Variants in CDYL2 observed in about 807,000 individuals in gnomAD.
CDYL2 encodes chromodomain Y-like protein 2.
Under a neutral mutation model 49.4 loss-of-function variants are expected in CDYL2, and 23 were observed. The observed-to-expected ratio is 0.47, with a 90% CI of 0.34 to 0.66. The LOEUF (loss-of-function observed/expected upper bound fraction) is 0.66. CDYL2 is among the 30% of genes least tolerant of loss of function. The pLI is 0.01. For missense variants in CDYL2, 678 were observed against 656.4 expected, an observed-to-expected ratio of 1.03 and a Z score of -0.36; for synonymous variants, 360 against 268.8, an observed-to-expected ratio of 1.34 and a Z score of -3.32.
intron 2 of CDYL2, 150 bp downstream of exon 2, chr16:80,684,388 A>G: frequency 1.4e-6 from 1 of 734,372 alleles, no homozygotes; most frequent in Admixed American, 2.9e-5. Flanking sequence ...GAGTCCACAA[A>G]GCTCTAGGTG....
At chr16:80,749,348 A>T (rs530545069) in intron 1 of CDYL2, among the ~76,000 whole-genome samples, 1 of 152,210 alleles carries the variant, frequency 6.6e-6, no homozygotes, top group Non-Finnish European at 1.5e-5. Flanking sequence ...GGTAGTCACA[A>T]CTTTTCACAA....
rs146604014 is a variant in CDYL2, at chr16:80,791,996, G to C, written c.24+12154C>G. On this transcript the variant is annotated intron_variant, in intron 1 of 6. Coordinates refer to ENST00000570137, the MANE Select transcript of CDYL2 (RefSeq NM_152342.4). ...GAGAGTATTAAGGAAAAAGGATGGA[G>C]TCAAGAAATATGCAGGATGCTGATT... is the stretch of plus-strand genomic sequence containing the variant. Among the ~76,000 whole-genome samples, 971 of 152,276 alleles carry C rather than the reference G, an allele frequency of 6.4e-3. 12 individuals are homozygous for C. The highest frequency in any genetic ancestry group is 0.022 in the African/African-American group (928 of 41,560).
intron 2 of CDYL2, among the ~76,000 whole-genome samples, chr16:80,679,507 C>A (rs1909890050): frequency 6.6e-6 from 1 of 152,198 alleles, no homozygotes; most frequent in Non-Finnish European, 1.5e-5. Flanking sequence ...ACACTTGTAA[C>A]CTCGGTCTCC....
chr16:80,666,612 G>T (rs1909275558), intron 2 of CDYL2, among the ~76,000 whole-genome samples: 1 of 152,180 alleles, frequency 6.6e-6, no homozygotes, highest in Admixed American at 6.5e-5. Context: ...AATGGGAAGG[G>T]AATCCTGTCG....
rs1473090465 is a variant in CDYL2, at chr16:80,601,092, T to G, written c.*3296A>C. On this transcript the variant is annotated 3_prime_UTR_variant, in exon 7 of 7. Coordinates refer to ENST00000570137, the MANE Select transcript of CDYL2 (RefSeq NM_152342.4). ...ATTTTGATGGCTGTTACCCAGACAT[T>G]ATTTCTATGCCGGAAGGGGCACATT... 1 of 152,226 alleles carries G rather than the reference T, an allele frequency of 6.6e-6. No individual in the cohort carries two copies. Among genetic ancestry groups the G allele is most frequent in the Non-Finnish European group, 1.5e-5 (1 of 68,028 alleles). 9.4% of individuals were successfully genotyped at this position (152,226 alleles called of 1,614,324 possible).
chr16:80,619,495 C>T (rs1030328744), intron 4 of CDYL2, among the ~76,000 whole-genome samples: 6 of 152,198 alleles, frequency 3.9e-5, no homozygotes, highest in African/African-American at 1.2e-4. Context: ...TGACGCTCCA[C>T]GGGTCACAAA....
chr16:80,615,439 G>A (rs577305690), intron 4 of CDYL2, among the ~76,000 whole-genome samples: 19 of 152,174 alleles, frequency 1.2e-4, no homozygotes, highest in East Asian at 3.9e-4. Context: ...TCATGGGACC[G>A]TATCTTCCAC....
chr16:80,729,059 C>G (rs544726532), intron 1 of CDYL2, among the ~76,000 whole-genome samples: 1 of 151,690 alleles, frequency 6.6e-6, no homozygotes, highest in Admixed American at 6.6e-5. Flanking sequence ...AGAAAATAAC[C>G]AGCTAACATC....
chr16:80,630,035 G>C (rs1288303408), intron 3 of CDYL2, among the ~76,000 whole-genome samples: 2 of 152,202 alleles, frequency 1.3e-5, no homozygotes, highest in African/African-American at 2.4e-5. Flanking sequence ...AAGTTGAAGG[G>C]AGGATTGGAA....
intron 2 of CDYL2, among the ~76,000 whole-genome samples, chr16:80,641,807 T>G (rs1908103168): frequency 6.8e-6 from 1 of 148,010 alleles, no homozygotes. Flanking sequence ...AAATGACGAG[T>G]TAACGGGTGC....
Position 80,633,111 on chromosome 16 carries a change from G to A in CDYL2, c.742C>T (p.Arg248Trp), listed in dbSNP as rs754339035. 3 of 1,614,036 alleles carry A rather than the reference G, an allele frequency of 1.9e-6. No homozygotes were observed. The highest frequency in any genetic ancestry group is 1.3e-5 in the African/African-American group (1 of 74,906). The part of the protein sequence containing the change: ...YSVRQNESNC[R>W]FRDIVVRKEE... ...TTCCGCACAACGATGTCTCGAAACC[G>A]ACAGTTGCTTTCATTCTGGCGGACA... The change falls in exon 3 of 7, where the codon CGG (arginine) becomes TGG (tryptophan). Residue 248 changes from arginine to tryptophan, a missense_variant. By Grantham distance (101) the Arg-to-Trp change is moderately radical. Around this residue, in one of 3 missense-constraint regions of CDYL2, gnomAD observed 478 missense variants for 427.0 expected, o/e 1.12. Coordinates refer to ENST00000570137, the MANE Select transcript of CDYL2 (RefSeq NM_152342.4).
intron 1 of CDYL2, among the ~76,000 whole-genome samples, chr16:80,802,986 C>G (rs1907972190): frequency 6.6e-6 from 1 of 152,200 alleles, no homozygotes; most frequent in African/African-American, 2.4e-5. Context: ...CCGGGAAGTG[C>G]AGGTCCAGGC....
chr16:80,687,027 T>G (rs1910222612), intron 1 of CDYL2, among the ~76,000 whole-genome samples: 1 of 152,234 alleles, frequency 6.6e-6, no homozygotes, highest in Non-Finnish European at 1.5e-5. Flanking sequence ...AGTTACTGAG[T>G]ATTCCTTTGT....
chr16:80,712,194 T>TATATAC (rs1290004183), intron 1 of CDYL2, among the ~76,000 whole-genome samples: 3 of 114,446 alleles, frequency 2.6e-5, no homozygotes, highest in African/African-American at 8.6e-5. Flanking sequence ...TGTGTGTGTA[T>TATATAC]ATATATATAT....
intron 1 of CDYL2, among the ~76,000 whole-genome samples, chr16:80,764,222 T>A (rs1245445772): frequency 1.3e-5 from 2 of 152,208 alleles, no homozygotes; most frequent in Non-Finnish European, 2.9e-5. Flanking sequence ...TTATAAAACA[T>A]GATTTTAATA....
At chr16:80,764,440 T>G (rs1906642635) in intron 1 of CDYL2, among the ~76,000 whole-genome samples, 1 of 152,122 alleles carries the variant, frequency 6.6e-6, no homozygotes, top group South Asian at 2.1e-4. Context: ...TTAGGACTGA[T>G]GCTATTCCAT....
At chr16:80,803,459 G>A (rs904901104) in intron 1 of CDYL2, among the ~76,000 whole-genome samples, 1 of 151,906 alleles carries the variant, frequency 6.6e-6, no homozygotes, top group African/African-American at 2.4e-5. Flanking sequence ...CAGGGAGCAC[G>A]ACACCCGCAA....
At position 80,794,752 on chromosome 16, in the gene CDYL2, C is replaced by T. The variant is rs533269837; in HGVS notation, c.24+9398G>A. ...TCAGCCTCCTGAGCAGCTGGGATTA[C>T]AGGCATGTGCCACCACACACCCGGC... On this transcript the variant is annotated intron_variant, in intron 1 of 6. Coordinates refer to ENST00000570137, the MANE Select transcript of CDYL2 (RefSeq NM_152342.4). Among the ~76,000 whole-genome samples the T allele has an allele frequency of 1.2e-4, 18 of 151,990 alleles. 1 individual carries two copies. In the South Asian group the frequency reaches 3.7e-3, roughly 32 times the overall value.
intron 1 of CDYL2, among the ~76,000 whole-genome samples, chr16:80,758,696 C>T (rs1906404455): frequency 6.6e-6 from 1 of 151,962 alleles, no homozygotes; most frequent in Admixed American, 6.6e-5. Context: ...GCACCCGCCA[C>T]CACACCCAGC....
Sources: allele counts gnomAD v4.1 joint callset (sites outside exome capture counted in the v4.1 genomes callset), GRCh38; gene constraint gnomAD v4.1.1; regional missense constraint gnomAD v4.1.1; transcripts MANE v1.5; gene names NCBI Gene and HGNC (gene_info 2026-07-23, HGNC 2026-07-21).